The following WDPCP variants were observed in gnomAD, a reference collection of about 807,000 sequenced individuals.
WDPCP encodes the protein WD repeat containing planar cell polarity effector, also known as WD repeat-containing and planar cell polarity effector protein fritz homolog.
A neutral mutation model predicts 93.1 loss-of-function variants in WDPCP; 71 were observed. That is an observed-to-expected ratio of 0.76 (90% CI 0.63 to 0.93). The LOEUF is 0.93. Among genes scored for constraint, WDPCP ranks in the 40% least tolerant of loss-of-function variants. The pLI, the probability that WDPCP is intolerant of heterozygous loss-of-function variation, is 0.00. For synonymous variants in WDPCP, 315 were observed against 315.0 expected (o/e 1.00, Z 0.00); for missense variants, 844 against 887.4 (o/e 0.95, Z 0.62).
In WDPCP at chr2:63,711,156, C is replaced by T. The variant is rs1314439515; in HGVS notation, n.309-60318G>A. On this transcript the variant is annotated intron_variant and non_coding_transcript_variant, in intron 2 of 4. Transcript: ENST00000467687. ...GACCAAAGGAAAAAGTTTATCTCTCCTGAGGCTGAAGTCAGGATAACAGTG... is the reference window on the plus strand; with the variant it reads ...GACCAAAGGAAAAAGTTTATCTCTCTTGAGGCTGAAGTCAGGATAACAGTG... Among the ~76,000 whole-genome samples, 4 of 152,088 alleles carry T rather than the reference C, an allele frequency of 2.6e-5. No homozygotes were observed. The East Asian group carries it at 7.7e-4, about 29-fold the overall frequency.
intron 2 of WDPCP, among the ~76,000 whole-genome samples, chr2:63,709,050 G>A (rs975417332): frequency 5.8e-5 from 6 of 102,616 alleles, no homozygotes; most frequent in African/African-American, 1.9e-4. Flanking sequence ...GTGAAACCCT[G>A]TCTCTACAAA....
intron 14 of WDPCP, among the ~76,000 whole-genome samples, chr2:63,184,737 C>T (rs149216331): frequency 1.4e-4 from 21 of 152,134 alleles, no homozygotes; most frequent in South Asian, 2.1e-4. Flanking sequence ...TTCATTTGGC[C>T]TCTTGTATTT....
chr2:63,273,607 A>G (rs1261727638), intron 13 of WDPCP, among the ~76,000 whole-genome samples: 1 of 152,186 alleles, frequency 6.6e-6, no homozygotes, highest in African/African-American at 2.4e-5. Flanking sequence ...TAAAGGTACA[A>G]TAAACAAAGT....
intron 17 of WDPCP, among the ~76,000 whole-genome samples, chr2:63,145,099 TGATATGAA>T (rs1313345752): frequency 6.6e-6 from 1 of 152,162 alleles, no homozygotes; most frequent in Non-Finnish European, 1.5e-5. Context: ...CAGAGTCCTG[TGATATGAA>T]GCATCTATGG....
intron 2 of WDPCP, among the ~76,000 whole-genome samples, chr2:63,699,063 C>T (rs6741298): frequency 0.58 from 88,580 of 151,900 alleles, 26,959 homozygotes; most frequent in African/African-American, 0.73. Flanking sequence ...CCAAGCAACA[C>T]GGTTTCCCAG....
At chr2:63,837,258 C>G in the WDPCP span, among the ~76,000 whole-genome samples, 34 of 152,294 alleles carry the variant, frequency 2.2e-4, no homozygotes, top group African/African-American at 8.2e-4. Flanking sequence ...AATTTGATAT[C>G]TTTTTCCAGT....
chr2:63,526,055 C>CTGTG lies in WDPCP; in HGVS notation c.76-33119_76-33116dup, dbSNP rs34946446. The stretch of plus-strand genomic sequence containing the variant: ...AATACTTCTGTTGTTGCTGTTGCTA[C>CTGTG]TGTGTGTGTGTGTGTGTGTGTGTGT... On this transcript the variant is annotated intron_variant, in intron 1 of 17. Coordinates refer to ENST00000272321, the MANE Select transcript of WDPCP (RefSeq NM_015910.7). 6.6e-3 allele frequency among the ~76,000 whole-genome samples: 986 copies of CTGTG among 148,812 alleles called. 2 individuals carry two copies. The highest frequency in any genetic ancestry group is 0.015 in the South Asian group (70 of 4,682).
At chr2:63,745,492 T>C (rs191078684) in intron 2 of WDPCP, among the ~76,000 whole-genome samples, 1 of 152,318 alleles carries the variant, frequency 6.6e-6, no homozygotes, top group East Asian at 1.9e-4. Flanking sequence ...TTAGAACTCA[T>C]AGTTGTTGGT....
chr2:63,628,912 T>C (rs771697563), intron 3 of WDPCP, among the ~76,000 whole-genome samples: 3 of 152,202 alleles, frequency 2.0e-5, no homozygotes, highest in African/African-American at 4.8e-5. Context: ...CCTAGTCTAG[T>C]GGTCCCACAC....
intron 12 of WDPCP, among the ~76,000 whole-genome samples, chr2:63,359,104 C>G (rs1350049043): frequency 1.3e-5 from 2 of 152,000 alleles, no homozygotes; most frequent in African/African-American, 4.8e-5. Flanking sequence ...TTCCCTCATT[C>G]CCTTCCCTTC....
intron 13 of WDPCP, among the ~76,000 whole-genome samples, chr2:63,296,924 A>G (rs529274632): frequency 2.0e-5 from 3 of 152,340 alleles, no homozygotes; most frequent in African/African-American, 7.2e-5. Context: ...TCATTTCACA[A>G]AATTAGAAAA....
chr2:63,384,077 A>C (rs554583973), intron 10 of WDPCP, among the ~76,000 whole-genome samples: 118 of 152,196 alleles, frequency 7.8e-4, no homozygotes, highest in Non-Finnish European at 1.5e-3. Context: ...CCTTCTAAAT[A>C]ACCTATGGGT....
chr2:63,513,187 C>T (rs1702344776), intron 1 of WDPCP, among the ~76,000 whole-genome samples: 1 of 152,076 alleles, frequency 6.6e-6, no homozygotes. Context: ...TAAAAAAGCA[C>T]ATTTAAAAAG....
chr2:63,750,989 G>A (rs149550396), intron 2 of WDPCP, among the ~76,000 whole-genome samples: 88 of 152,170 alleles, frequency 5.8e-4, no homozygotes, highest in African/African-American at 1.8e-3. Context: ...GTGGCCTCAC[G>A]AACAAGCAGG....
chr2:63,126,612 CT>C (rs1195153881), intron 17 of WDPCP, among the ~76,000 whole-genome samples: 2 of 149,204 alleles, frequency 1.3e-5, no homozygotes, highest in African/African-American at 4.9e-5. Flanking sequence ...ACAGTTTTAA[CT>C]TGTATAAAAC....
chr2:63,654,324 G>C (rs1710141636), intron 2 of WDPCP, among the ~76,000 whole-genome samples: 1 of 152,196 alleles, frequency 6.6e-6, no homozygotes, highest in Non-Finnish European at 1.5e-5. Flanking sequence ...AGCAGTGGCA[G>C]AATAGAGGTT....
intron 1 of WDPCP, among the ~76,000 whole-genome samples, chr2:63,584,765 G>T (rs1708729650): frequency 1.3e-5 from 2 of 152,058 alleles, no homozygotes; most frequent in Non-Finnish European, 2.9e-5. Flanking sequence ...AATAAATGAA[G>T]ATTTATAGAG....
At chr2:63,701,207 A>AT (rs1325776693) in intron 2 of WDPCP, among the ~76,000 whole-genome samples, 1 of 152,220 alleles carries the variant, frequency 6.6e-6, no homozygotes, top group Non-Finnish European at 1.5e-5. Context: ...CTGAATAGAC[A>AT]TTTTTCAAAA....
chr2:63,638,304 C>T (rs1267071040), intron 3 of WDPCP, among the ~76,000 whole-genome samples: 2 of 150,942 alleles, frequency 1.3e-5, no homozygotes. Context: ...CATTCTCTCT[C>T]TCTCATTCTC....
Sources: gnomAD v4.1 joint callset for allele counts (sites outside exome capture counted in the v4.1 genomes callset) on GRCh38, gnomAD v4.1.1 for gene constraint, MANE v1.5 for transcripts, NCBI Gene and HGNC (gene_info 2026-07-23, HGNC 2026-07-21) for gene names.